The following RAD51B variants were observed in gnomAD, a reference collection of about 807,000 sequenced individuals.
The protein encoded by RAD51B is DNA repair protein RAD51 homolog 2.
Under a neutral mutation model 42.2 loss-of-function variants are expected in RAD51B, and 38 were observed. That is an observed-to-expected ratio of 0.90 (90% confidence interval 0.70 to 1.18). RAD51B has a LOEUF of 1.18. RAD51B is among the 50% of genes most tolerant of loss of function. RAD51B has a pLI of 0.00. For missense variants in RAD51B, 373 were observed against 400.7 expected, an observed-to-expected ratio of 0.93 and a Z score of 0.59; for synonymous variants, 154 against 145.2, an observed-to-expected ratio of 1.06 and a Z score of -0.43.
intron 10 of RAD51B, among the ~76,000 whole-genome samples, chr14:68,560,804 A>C (rs1279634194): frequency 4.6e-5 from 7 of 151,040 alleles, no homozygotes; most frequent in Non-Finnish European, 1.0e-4. Flanking sequence ...CTTCTGCCCC[A>C]GGATGTCCCC....
chr14:68,607,334 G>A (rs1426315720), intron 10 of RAD51B, among the ~76,000 whole-genome samples: 1 of 152,178 alleles, frequency 6.6e-6, no homozygotes, highest in Non-Finnish European at 1.5e-5. Context: ...TCCCAATCCT[G>A]AGAGTATCCT....
chr14:68,460,057 A>C (rs1011314539), intron 9 of RAD51B, among the ~76,000 whole-genome samples: 1 of 152,184 alleles, frequency 6.6e-6, no homozygotes, highest in Non-Finnish European at 1.5e-5. Context: ...CCGCCTATTC[A>C]TGTCTGCTTT....
At chr14:68,400,089 T>G (rs2084054196) in intron 8 of RAD51B, among the ~76,000 whole-genome samples, 1 of 152,088 alleles carries the variant, frequency 6.6e-6, no homozygotes, top group Admixed American at 6.5e-5. Context: ...CAGGCCTGAT[T>G]CTTCACAAGC....
intron 7 of RAD51B, among the ~76,000 whole-genome samples, chr14:68,242,656 A>G (rs1490542607): frequency 6.6e-6 from 1 of 152,226 alleles, no homozygotes; most frequent in Admixed American, 6.5e-5. Context: ...GGGGTTAAGA[A>G]TAATATTATA....
chr14:68,487,386 T>C (rs1174209859), intron 10 of RAD51B, among the ~76,000 whole-genome samples: 1 of 152,238 alleles, frequency 6.6e-6, no homozygotes, highest in Non-Finnish European at 1.5e-5. Context: ...TGTGTATCCA[T>C]TGTATGTTTT....
intron 7 of RAD51B, among the ~76,000 whole-genome samples, chr14:67,996,849 G>A (rs886330626): frequency 2.0e-5 from 3 of 152,220 alleles, no homozygotes; most frequent in African/African-American, 7.2e-5. Flanking sequence ...TCAAGAGAAG[G>A]TAGCTTAGAC....
At chr14:68,137,623 A>G (rs981968390) in intron 7 of RAD51B, among the ~76,000 whole-genome samples, 1 of 152,214 alleles carries the variant, frequency 6.6e-6, no homozygotes, top group Non-Finnish European at 1.5e-5. Context: ...ACATCCCTAA[A>G]TATATGCCTT....
At chr14:68,455,848 A>C (rs1684547901) in intron 9 of RAD51B, among the ~76,000 whole-genome samples, 2 of 152,266 alleles carry the variant, frequency 1.3e-5, no homozygotes, top group Admixed American at 1.3e-4. Context: ...TTTGAAAGAT[A>C]ACTGCAAAAA....
intron 10 of RAD51B, among the ~76,000 whole-genome samples, chr14:68,499,256 C>T (rs1884755170): frequency 6.6e-6 from 1 of 152,240 alleles, no homozygotes; most frequent in Non-Finnish European, 1.5e-5. Context: ...ACTTGAGTCC[C>T]CCATTGGATG....
intron 8 of RAD51B, among the ~76,000 whole-genome samples, chr14:68,297,781 A>G (rs1168950302): frequency 1.3e-5 from 2 of 152,192 alleles, no homozygotes; most frequent in African/African-American, 4.8e-5. Context: ...ATCTACCTCA[A>G]GCAACTGAAG....
At chr14:68,286,827 G>A (rs2081422875) in intron 7 of RAD51B, among the ~76,000 whole-genome samples, 1 of 152,254 alleles carries the variant, frequency 6.6e-6, no homozygotes. Context: ...TGAAGGCAGA[G>A]GGTCTGCATT....
At chr14:68,524,337 G>A (rs2525514) in intron 10 of RAD51B, among the ~76,000 whole-genome samples, 151,574 of 152,356 alleles carry the variant, frequency 0.99, 75,403 homozygotes, top group East Asian at 1. Flanking sequence ...TGGACAGACT[G>A]AAACTGAGAG....
chr14:68,305,561 G>A (rs2081842973), intron 8 of RAD51B, among the ~76,000 whole-genome samples: 1 of 152,222 alleles, frequency 6.6e-6, no homozygotes, highest in Non-Finnish European at 1.5e-5. Context: ...TCACACTGTA[G>A]TACAGCATCT....
intron 10 of RAD51B, among the ~76,000 whole-genome samples, chr14:68,604,940 C>T (rs1346154367): frequency 2.6e-5 from 4 of 152,178 alleles, no homozygotes; most frequent in Admixed American, 6.5e-5. Context: ...TTCAGTAAAA[C>T]GAGCCCACCA....
chr14:67,852,738 TATGCATGTGTGTAAACATATGTACGC>T (rs1490582047), intron 4 of RAD51B, among the ~76,000 whole-genome samples: 1 of 152,182 alleles, frequency 6.6e-6, no homozygotes, highest in Non-Finnish European at 1.5e-5. Context: ...ACCACTGATA[TATGCATGTGTGTAAACATATGTACGC>T]ATGCATGTGT....
intron 5 of RAD51B, among the ~76,000 whole-genome samples, chr14:67,881,040 T>C (rs1341478137): frequency 6.6e-6 from 1 of 152,254 alleles, no homozygotes; most frequent in Non-Finnish European, 1.5e-5. Flanking sequence ...GTATAGCCTA[T>C]TGCTTCTAGG....
intron 7 of RAD51B, among the ~76,000 whole-genome samples, chr14:68,109,828 A>G (rs2077433019): frequency 6.6e-6 from 1 of 152,052 alleles, no homozygotes; most frequent in African/African-American, 2.4e-5. Flanking sequence ...AAAATGGATT[A>G]TATTTTAGCC....
At chr14:68,588,104 G>C (rs765313676) in intron 10 of RAD51B, among the ~76,000 whole-genome samples, 14 of 152,200 alleles carry the variant, frequency 9.2e-5, no homozygotes, top group Non-Finnish European at 2.1e-4. Context: ...GCACAGGAAA[G>C]AACATATGGG....
At chr14:68,451,536 G>T (rs1304087633) in intron 9 of RAD51B, among the ~76,000 whole-genome samples, 1 of 152,214 alleles carries the variant, frequency 6.6e-6, no homozygotes, top group Non-Finnish European at 1.5e-5. Context: ...TAAAGGAAAA[G>T]ACAGGAAGGG....
Sources: allele counts gnomAD v4.1 joint callset (sites outside exome capture counted in the v4.1 genomes callset), GRCh38; gene constraint gnomAD v4.1.1; transcripts MANE v1.5; gene names NCBI Gene and HGNC (gene_info 2026-07-23, HGNC 2026-07-21).